Variants in TRPM3 observed in about 807,000 individuals in gnomAD.
TRPM3 encodes long transient receptor potential channel 3.
Under a neutral mutation model 181.2 loss-of-function variants are expected in TRPM3, and 77 were observed. The observed-to-expected ratio is 0.42, with a 90% CI of 0.35 to 0.51. The LOEUF is 0.51. TRPM3 is among the 20% of genes least tolerant of loss of function. The pLI, the probability that TRPM3 is intolerant of heterozygous loss-of-function variation, is 0.01. For synonymous variants in TRPM3, 745 were observed against 796.4 expected (o/e 0.94, Z 1.09); for missense variants, 1,759 against 2,196.7 (o/e 0.80, Z 3.98).
At chr9:70,641,330 C>A (rs1481518339) in intron 9 of TRPM3, among the ~76,000 whole-genome samples, 1 of 152,182 alleles carries the variant, frequency 6.6e-6, no homozygotes, top group Non-Finnish European at 1.5e-5. Flanking sequence ...CTCTGCTCTA[C>A]CACACATTTT....
chr9:70,637,683 A>G (rs957141969), intron 11 of TRPM3, among the ~76,000 whole-genome samples: 4 of 152,248 alleles, frequency 2.6e-5, no homozygotes, highest in Admixed American at 2.0e-4. Flanking sequence ...GCACCATCTA[A>G]CAACTACTAC....
At chr9:70,584,594 C>T (rs2056715372) in intron 22 of TRPM3, among the ~76,000 whole-genome samples, 1 of 152,192 alleles carries the variant, frequency 6.6e-6, no homozygotes, top group African/African-American at 2.4e-5. Flanking sequence ...TTCTAAACTG[C>T]TTCACCTCTT....
intron 8 of TRPM3, among the ~76,000 whole-genome samples, chr9:70,747,302 G>A (rs2075335517): frequency 6.6e-6 from 1 of 152,164 alleles, no homozygotes. Flanking sequence ...GTGTGTGTGT[G>A]TGTGTACACA....
In TRPM3 at chr9:71,326,431, T is replaced by C. The variant is rs140335882; in HGVS notation, c.183+120222A>G. Among the ~76,000 whole-genome samples, 139 of 152,168 alleles carry C rather than the reference T, an allele frequency of 9.1e-4. 1 individual carries two copies. Among genetic ancestry groups the C allele is most frequent in the South Asian group, 5.8e-3 (28 of 4,804 alleles). Reference sequence around the variant, plus strand: ...ATATGCATGCATGTATGTTTGTATGTATGTATGTATTTAACTCTTGGAAGG... The same window carrying C: ...ATATGCATGCATGTATGTTTGTATGCATGTATGTATTTAACTCTTGGAAGG... On this transcript the variant is annotated intron_variant, in intron 1 of 24. Coordinates refer to the TRPM3 transcript ENST00000357533.
At chr9:71,155,469 C>T (rs1392571157) in intron 1 of TRPM3, among the ~76,000 whole-genome samples, 1 of 82,568 alleles carries the variant, frequency 1.2e-5, no homozygotes, top group African/African-American at 4.4e-5. Flanking sequence ...CAGGCATGCA[C>T]CACCATGCTT....
At chr9:70,815,123 A>G (rs1422659994) in intron 6 of TRPM3, among the ~76,000 whole-genome samples, 1 of 152,082 alleles carries the variant, frequency 6.6e-6, no homozygotes, top group Non-Finnish European at 1.5e-5. Flanking sequence ...TTTTAAGAAA[A>G]TATAATATGA....
intron 1 of TRPM3, among the ~76,000 whole-genome samples, chr9:71,060,251 G>A (rs2133331801): frequency 6.6e-6 from 1 of 152,118 alleles, no homozygotes; most frequent in South Asian, 2.1e-4. Flanking sequence ...AGTTAGAAAA[G>A]GGACTCCTTG....
At chr9:70,781,093 G>A (rs7872316) in intron 7 of TRPM3, among the ~76,000 whole-genome samples, 122,854 of 151,560 alleles carry the variant, frequency 0.81, 50,131 homozygotes, top group East Asian at 0.94. Flanking sequence ...TGGGAGGCCA[G>A]GGTGGGAGGA....
intron 1 of TRPM3, among the ~76,000 whole-genome samples, chr9:71,156,680 T>C (rs565298460): frequency 2.7e-4 from 41 of 152,228 alleles, no homozygotes; most frequent in African/African-American, 9.1e-4. Flanking sequence ...ATTTCCTTAT[T>C]CACCACCATA....
intron 10 of TRPM3, among the ~76,000 whole-genome samples, chr9:70,640,082 A>C (rs1538671): frequency 2.9e-4 from 44 of 152,026 alleles, no homozygotes; most frequent in Admixed American, 1.9e-3. Context: ...TGGTTTCCTC[A>C]TGTTGTTCTT....
intron 9 of TRPM3, among the ~76,000 whole-genome samples, chr9:70,671,930 A>ATTTT (rs10633740): frequency 0.018 from 2,501 of 141,504 alleles, 67 homozygotes; most frequent in African/African-American, 0.056. Context: ...TGTCCAGCTA[A>ATTTT]TTTTTTTTTT....
Position 70,542,013 on chromosome 9 carries a change from C to T in TRPM3, c.3708-4608G>A, listed in dbSNP as rs192664917. 2.5e-3 allele frequency among the ~76,000 whole-genome samples: 381 copies of T among 152,142 alleles called. 2 individuals carry two copies. The highest frequency in any genetic ancestry group is 8.4e-3 in the African/African-American group (350 of 41,518). ...GTACATGTCTGTGGTCCCAGCTACT[C>T]GGGAGGCTGAGGTAGGAGGATCACT... On this transcript the variant is annotated intron_variant, in intron 25 of 25. Coordinates refer to ENST00000677713, the MANE Select transcript of TRPM3 (RefSeq NM_001366145.2).
At chr9:71,320,324 A>G (rs2089089340) in intron 1 of TRPM3, among the ~76,000 whole-genome samples, 1 of 152,124 alleles carries the variant, frequency 6.6e-6, no homozygotes. Flanking sequence ...TTAATTAAAA[A>G]AAAAAAAACA....
At chr9:71,131,112 C>G (rs2074346741) in intron 1 of TRPM3, among the ~76,000 whole-genome samples, 1 of 152,182 alleles carries the variant, frequency 6.6e-6, no homozygotes, top group African/African-American at 2.4e-5. Flanking sequence ...TTGATCCTGC[C>G]TCTCTCTCCA....
chr9:71,083,956 T>A (rs2064846048), intron 1 of TRPM3, among the ~76,000 whole-genome samples: 1 of 151,946 alleles, frequency 6.6e-6, no homozygotes, highest in Admixed American at 6.6e-5. Context: ...TTTCCTGGCA[T>A]AGGGCATCCG....
chr9:70,805,483 G>A (rs984224693), intron 6 of TRPM3, among the ~76,000 whole-genome samples: 4 of 141,864 alleles, frequency 2.8e-5, no homozygotes, highest in Admixed American at 7.5e-5. Context: ...GCAGTGAGCC[G>A]AGATTGCGGC....
At chr9:71,215,129 C>T (rs781597597) in intron 1 of TRPM3, among the ~76,000 whole-genome samples, 61 of 150,592 alleles carry the variant, frequency 4.1e-4, no homozygotes, top group Admixed American at 2.1e-3. Context: ...AACATAAACA[C>T]TGACAGAAAG....
intron 1 of TRPM3, among the ~76,000 whole-genome samples, chr9:71,076,750 C>T (rs943597452): frequency 6.6e-6 from 1 of 152,286 alleles, no homozygotes; most frequent in South Asian, 2.1e-4. Context: ...AAAAAGACAG[C>T]AATGCTCACG....
chr9:71,331,949 G>A (rs1254258680), intron 1 of TRPM3, among the ~76,000 whole-genome samples: 1 of 140,616 alleles, frequency 7.1e-6, no homozygotes, highest in Non-Finnish European at 1.6e-5. Context: ...GAGAAGAAGA[G>A]AAAGGTGGAG....
Sources: allele counts gnomAD v4.1 joint callset (sites outside exome capture counted in the v4.1 genomes callset), GRCh38; gene constraint gnomAD v4.1.1; transcripts MANE v1.5; gene names NCBI Gene and HGNC (gene_info 2026-07-23, HGNC 2026-07-21).